COPB2: variants seen among roughly 807,000 people sequenced by gnomAD.
The protein encoded by COPB2 is coat protein complex I subunit beta 2, also known as coatomer subunit beta'.
COPB2 carries 16 observed loss-of-function variants against 120.8 expected under a neutral mutation model. That is an observed-to-expected ratio of 0.13 (90% CI 0.09 to 0.20). The LOEUF is 0.20. Among genes scored for constraint, COPB2 ranks in the 10% least tolerant of loss-of-function variants. The pLI is 1.00. For synonymous variants in COPB2, 332 were observed against 366.3 expected, an observed-to-expected ratio of 0.91 and a Z score of 1.07; for missense variants, 794 against 1,076.5, an observed-to-expected ratio of 0.74 and a Z score of 3.67.
Position 139,379,326 on chromosome 3 carries a change from A to G in COPB2, c.228+54T>C, listed in dbSNP as rs375647046. 6.3e-5 allele frequency: 100 copies of G among 1,581,042 alleles called. No individual in the cohort carries two copies. The African/African-American group carries it at 1.1e-3, about 18-fold the overall frequency. On this transcript the variant is annotated intron_variant, in intron 3 of 21. Coordinates refer to ENST00000333188, the MANE Select transcript of COPB2 (RefSeq NM_004766.3). The stretch of plus-strand genomic sequence containing the variant: ...AATCAAAATCCTGCAACAAATTTAC[A>G]CAATCATTGACCAATTCAGAAAATG...
At chr3:139,374,650 A>C (rs1941684051) in intron 6 of COPB2, 62 bp from the exon 7 acceptor site, 4 of 1,349,720 alleles carry the variant, frequency 3.0e-6, no homozygotes, top group Non-Finnish European at 4.2e-6. Flanking sequence ...GCCCGCCCTT[A>C]ATTTTCTCAG....
chr3:139,374,675 A>G (rs959801576), intron 6 of COPB2, 87 bp from the exon 7 acceptor site: 23 of 977,206 alleles, frequency 2.4e-5, no homozygotes, highest in African/African-American at 3.3e-5. Context: ...CAGATACATT[A>G]TAAATGATAG....
Position 139,389,581 on chromosome 3 carries a change from G to C in COPB2, c.-31C>G. The C allele has an allele frequency of 1.3e-6, 2 of 1,568,438 alleles. No homozygotes were observed. The highest frequency in any genetic ancestry group is 1.7e-6 in the Non-Finnish European group (2 of 1,148,696). On this transcript the variant is annotated 5_prime_UTR_variant, in exon 1 of 22. Transcript: ENST00000333188. ...CGTCGGTCCAATCCCGGGAACCCTC[G>C]TTTGTTACCGGCTACTCAGGCCTTG...
chr3:139,365,084 C>G (rs976943237), intron 15 of COPB2, among the ~76,000 whole-genome samples: 20 of 152,060 alleles, frequency 1.3e-4, no homozygotes, highest in African/African-American at 4.3e-4. Flanking sequence ...TCCAGAAAGA[C>G]AGAATACAGA....
chr3:139,379,366 T>C lies in COPB2; in HGVS notation c.228+14A>G, dbSNP rs750459204. On this transcript the variant is annotated intron_variant, in intron 3 of 21. Coordinates refer to ENST00000333188, the MANE Select transcript of COPB2 (RefSeq NM_004766.3). Reference sequence around the variant, plus strand: ...TTCAGAAAATGGGAATAGAGATTCATATTAATTACTTACCGCTCCTGTCAC... The same window carrying C: ...TTCAGAAAATGGGAATAGAGATTCACATTAATTACTTACCGCTCCTGTCAC... The C allele has an allele frequency of 6.2e-6, 10 of 1,610,910 alleles. No individual in the cohort carries two copies. Among genetic ancestry groups the C allele is most frequent in the Non-Finnish European group, 7.6e-6 (9 of 1,178,116 alleles).
chr3:139,381,720 T>C, intron 2 of COPB2: 1 of 151,944 alleles, frequency 6.6e-6, no homozygotes, highest in Non-Finnish European at 1.5e-5. Context: ...CAATAAAGCC[T>C]AGAGAAAGAT....
At chr3:139,379,529 G>T in intron 2 of COPB2, 63 bp from the exon 3 acceptor site, 1 of 1,312,812 alleles carries the variant, frequency 7.6e-7, no homozygotes, top group Non-Finnish European at 1.1e-6. Flanking sequence ...AATCTACTCT[G>T]TTATATTTCA....
In COPB2 at chr3:139,368,178, T is replaced by A. The variant is rs1171232300; in HGVS notation, c.1512A>T (p.Gly504=). Residue 504 remains glycine (G), a synonymous_variant, in exon 13 of 22, where the codon GGA becomes GGT. Coordinates refer to ENST00000333188, the MANE Select transcript of COPB2 (RefSeq NM_004766.3). ...CATCTTCAATGCCATCTTCAGTAAC[T>A]CCCTCATGTGTTTCCTGTGCAGCCA... is the stretch of plus-strand genomic sequence containing the variant. ...KVLAAQETHE[G]VTEDGIEDAF... 1 of 1,613,654 alleles carries A rather than the reference T, an allele frequency of 6.2e-7. No homozygotes were observed. The highest frequency in any genetic ancestry group is 8.5e-7 in the Non-Finnish European group (1 of 1,179,830).
At chr3:139,359,510 T>A in intron 17 of COPB2, 148 bp from the exon 18 acceptor site, 1 of 694,494 alleles carries the variant, frequency 1.4e-6, no homozygotes, top group South Asian at 2.0e-5. Context: ...CTTTTAATGG[T>A]TGTTAATCAA....
Position 139,375,540 on chromosome 3 carries a change from G to A in COPB2, c.579C>T (p.Tyr193=). The A allele has an allele frequency of 6.2e-7, 1 of 1,614,168 alleles. No homozygotes were observed. The highest frequency in any genetic ancestry group is 1.1e-5 in the South Asian group (1 of 91,078). The change falls in exon 6 of 22, where the codon TAC becomes TAT. Residue 193 remains tyrosine, a synonymous_variant. Transcript: ENST00000333188. ...GGTATGGCTTGTCCCCACCACTGTAGTAATCAATGCAATTCACGCCTTTCT... is the reference window on the plus strand; with the variant it reads ...GGTATGGCTTGTCCCCACCACTGTAATAATCAATGCAATTCACGCCTTTCT... The part of the protein sequence containing the change: ...GHEKGVNCID[Y]YSGGDKPYLI...
At chr3:139,371,982 C>G (rs976824029) in intron 9 of COPB2, 149 bp from the exon 10 acceptor site, 1 of 603,904 alleles carries the variant, frequency 1.7e-6, no homozygotes, top group Non-Finnish European at 2.7e-6. Context: ...AAAAGTTATA[C>G]ATTTCTTTGA....
intron 10 of COPB2, 49 bp downstream of exon 10, chr3:139,371,669 CACACA>C: frequency 1.4e-6 from 2 of 1,457,420 alleles, no homozygotes; most frequent in South Asian, 2.3e-5. Context: ...CTTCAAGCAG[CACACA>C]ACACATCTGC....
chr3:139,372,929 C>G (rs1020858545), intron 9 of COPB2, among the ~76,000 whole-genome samples: 3 of 152,174 alleles, frequency 2.0e-5, no homozygotes, highest in Non-Finnish European at 2.9e-5. Flanking sequence ...AAGGAGCACA[C>G]AAAAACACAA....
intron 13 of COPB2, among the ~76,000 whole-genome samples, chr3:139,367,786 T>C (rs1235120665): frequency 6.6e-6 from 1 of 152,202 alleles, no homozygotes; most frequent in Non-Finnish European, 1.5e-5. Context: ...CAATGAAATA[T>C]TAAGTATTTC....
intron 9 of COPB2, among the ~76,000 whole-genome samples, chr3:139,372,054 T>G (rs1364081258): frequency 1.3e-5 from 2 of 152,226 alleles, no homozygotes; most frequent in African/African-American, 4.8e-5. Flanking sequence ...AATATGGCAT[T>G]ACTGCTGAAA....
At chr3:139,366,150 T>C (rs1941510589) in intron 15 of COPB2, among the ~76,000 whole-genome samples, 1 of 152,236 alleles carries the variant, frequency 6.6e-6, no homozygotes, top group South Asian at 2.1e-4. Flanking sequence ...TCTTAAGCTT[T>C]GCAAAACTTA....
Position 139,387,189 on chromosome 3 carries a change from C to T in COPB2, c.3+2359G>A, listed in dbSNP as rs541227750. ...TTGCACCACTGCACTCCAGCCTGGGCGACAGAGTGAGATTCTGTCAAGAAA... is the reference window on the plus strand; with the variant it reads ...TTGCACCACTGCACTCCAGCCTGGGTGACAGAGTGAGATTCTGTCAAGAAA... On this transcript the variant is annotated intron_variant, in intron 1 of 21. Transcript: ENST00000333188. Among the ~76,000 whole-genome samples the T allele has an allele frequency of 1.2e-3, 174 of 148,368 alleles. 1 individual carries two copies. The highest frequency in any genetic ancestry group is 4.3e-3 in the African/African-American group (171 of 40,036).
chr3:139,369,590 T>C (rs1941585753), intron 10 of COPB2, 46 bp from the exon 11 acceptor site: 2 of 1,123,152 alleles, frequency 1.8e-6, no homozygotes, highest in Non-Finnish European at 2.6e-6. Flanking sequence ...ATATACTAAA[T>C]CATAGTTCTA....
rs1214547501 is a variant in COPB2, at chr3:139,371,271, T to TA, written c.1205+451dup. On this transcript the variant is annotated intron_variant, in intron 10 of 21. Transcript: ENST00000333188. ...GGGTACTATCACAGAAAATAAGTTTTAAAAAAGATTTAATAAATTTCTCAT... is the reference window on the plus strand; with the variant it reads ...GGGTACTATCACAGAAAATAAGTTTTAAAAAAAGATTTAATAAATTTCTCAT... Among the ~76,000 whole-genome samples, 3 of 152,208 alleles carry TA rather than the reference T, an allele frequency of 2.0e-5. No individual in the cohort carries two copies. In the East Asian group the frequency reaches 5.8e-4, roughly 29 times the overall value.
Sources: gnomAD v4.1 joint callset for allele counts (sites outside exome capture counted in the v4.1 genomes callset) on GRCh38, gnomAD v4.1.1 for gene constraint, MANE v1.5 for transcripts, NCBI Gene and HGNC (gene_info 2026-07-23, HGNC 2026-07-21) for gene names.